SORBS2: variants seen among roughly 807,000 people sequenced by gnomAD.
SORBS2 encodes sorbin and SH3 domain containing 2.
SORBS2 carries 46 observed loss-of-function variants against 97.7 expected under a neutral mutation model. The ratio of observed to expected loss-of-function variants is 0.47; its 90% CI spans 0.37 to 0.60. The LOEUF is 0.60. SORBS2 is among the 20% of genes least tolerant of loss of function. The pLI is 0.00. For missense variants in SORBS2, 1,316 were observed against 1,282.3 expected (o/e 1.03, Z -0.40); for synonymous variants, 476 against 473.4 (o/e 1.01, Z -0.07).
At chr4:185,815,716 T>C (rs1297383489) in intron 1 of SORBS2, among the ~76,000 whole-genome samples, 1 of 152,194 alleles carries the variant, frequency 6.6e-6, no homozygotes, top group Non-Finnish European at 1.5e-5. Context: ...AGTTATACCG[T>C]ATGCACACCT....
At chr4:185,879,147 A>C in intron 1 of SORBS2, among the ~76,000 whole-genome samples, 1 of 130,004 alleles carries the variant, frequency 7.7e-6, no homozygotes, top group Non-Finnish European at 1.6e-5. Context: ...CATTAGGTAT[A>C]TCTCCTAATG....
intron 12 of SORBS2, among the ~76,000 whole-genome samples, chr4:185,599,549 G>A (rs970548730): frequency 2.0e-5 from 3 of 152,092 alleles, no homozygotes; most frequent in Non-Finnish European, 4.4e-5. Flanking sequence ...CAAGAATCAT[G>A]GATTTAAAAA....
chr4:185,752,126 G>A (rs1209799396), intron 2 of SORBS2, among the ~76,000 whole-genome samples: 1 of 152,110 alleles, frequency 6.6e-6, no homozygotes, highest in East Asian at 1.9e-4. Context: ...AGGGAAAACA[G>A]AAAAGTATCT....
intron 1 of SORBS2, among the ~76,000 whole-genome samples, chr4:185,888,059 A>ATATTATTATTATTATTAT (rs148021041): frequency 5.2e-4 from 77 of 148,910 alleles, no homozygotes; most frequent in African/African-American, 1.7e-3. Context: ...CTGACATTCT[A>ATATTATTATTATTATTAT]TATTATTATT....
chr4:185,660,547 C>T (rs1205470867), upstream of SORBS2, among the ~76,000 whole-genome samples: 5 of 152,152 alleles, frequency 3.3e-5, no homozygotes, highest in African/African-American at 1.2e-4. Context: ...TAATAAGTCC[C>T]GCGGCTACCT....
At position 185,606,527 on chromosome 4, in the gene SORBS2, A is replaced by G. The variant is rs566129521; in HGVS notation, c.2796+5253T>C. The G allele has an allele frequency of 9.2e-6, 9 of 981,426 alleles. No homozygotes were observed. In the African/African-American group the frequency reaches 1.2e-4, roughly 13 times the overall value. 60.8% of individuals were successfully genotyped at this position (981,426 alleles called of 1,614,324 possible). On this transcript the variant is annotated intron_variant, in intron 12 of 14. Transcript: ENST00000418609. The surrounding 1 kb of genome is among the most constrained non-coding windows in gnomAD (Gnocchi z 4.3). ...GGTATTTATTAATATGATTAACTCT[A>G]ATAGCTAATCATGGTAAGGCCGGTT...
intron 2 of SORBS2, among the ~76,000 whole-genome samples, chr4:185,699,604 G>T (rs2098230273): frequency 6.6e-6 from 1 of 152,068 alleles, no homozygotes; most frequent in African/African-American, 2.4e-5. Context: ...ATCTTAAATT[G>T]TACATCTTAA....
At chr4:185,810,074 G>A (rs1395718967) in intron 1 of SORBS2, among the ~76,000 whole-genome samples, 1 of 152,198 alleles carries the variant, frequency 6.6e-6, no homozygotes, top group Non-Finnish European at 1.5e-5. Context: ...AACTAAGTCT[G>A]TTCATTTAGC....
chr4:185,669,666 A>G (rs544911970), intron 4 of SORBS2, among the ~76,000 whole-genome samples: 3 of 152,314 alleles, frequency 2.0e-5, no homozygotes, highest in South Asian at 4.1e-4. Flanking sequence ...TTGAAAGAAA[A>G]TCAACATCAA....
intron 2 of SORBS2, among the ~76,000 whole-genome samples, chr4:185,728,355 C>T (rs897376368): frequency 6.6e-6 from 1 of 152,134 alleles, no homozygotes; most frequent in Non-Finnish European, 1.5e-5. Context: ...CCCCAAAAAC[C>T]CCTGTATTTC....
At chr4:185,659,231 G>C (rs890783031), upstream of SORBS2, among the ~76,000 whole-genome samples, 6 of 152,130 alleles carry the variant, frequency 3.9e-5, no homozygotes, top group African/African-American at 1.4e-4. Context: ...GCTGGATGGT[G>C]ACATAAAATG....
At chr4:185,805,583 C>T (rs2099149748) in intron 1 of SORBS2, among the ~76,000 whole-genome samples, 1 of 152,178 alleles carries the variant, frequency 6.6e-6, no homozygotes, top group African/African-American at 2.4e-5. Flanking sequence ...ATTCACCACT[C>T]TCCTGACCTC....
At chr4:185,944,704 G>A (rs1027898425) in intron 1 of SORBS2, among the ~76,000 whole-genome samples, 9 of 152,054 alleles carry the variant, frequency 5.9e-5, no homozygotes, top group South Asian at 2.1e-4. Flanking sequence ...TGAGACAAGC[G>A]CCTCAAGTGA....
intron 12 of SORBS2, among the ~76,000 whole-genome samples, chr4:185,608,869 A>C (rs750129632): frequency 3.9e-5 from 6 of 152,212 alleles, no homozygotes; most frequent in South Asian, 2.1e-4. Flanking sequence ...TTAGGATAAC[A>C]CTTTACACAG....
chr4:185,902,210 T>C (rs545961491), intron 1 of SORBS2, among the ~76,000 whole-genome samples: 1 of 152,336 alleles, frequency 6.6e-6, no homozygotes, highest in Admixed American at 6.5e-5. Context: ...AATATCACTT[T>C]GAAATATTAC....
rs1038534143 is a variant in SORBS2, at chr4:185,684,690, A to C, written c.-197-5868T>G. ...TTCCTTTGCTTTTTACGTTTAGAAC[A>C]AAAACAGTCAGAAGAGCTAGAAGCC... On this transcript the variant is annotated intron_variant, in intron 2 of 20. Transcript: ENST00000284776. The surrounding 1 kb of genome is among the most constrained non-coding windows in gnomAD (Gnocchi z 4.2). 2.6e-5 allele frequency: 30 copies of C among 1,171,952 alleles called. No individual in the cohort carries two copies. The highest frequency in any genetic ancestry group is 1.5e-4 in the South Asian group (11 of 72,094). The allele number at this position is 1,171,952 out of a possible 1,614,324, so 72.6% of individuals were successfully genotyped here.
At chr4:185,625,763 A>G (rs75142822) in intron 6 of SORBS2, among the ~76,000 whole-genome samples, 4,221 of 152,348 alleles carry the variant, frequency 0.028, 103 homozygotes, top group Non-Finnish European at 0.046. Context: ...TCACAGCTTT[A>G]CAAGGCCTTA....
intron 12 of SORBS2, among the ~76,000 whole-genome samples, chr4:185,600,518 T>C (rs2096237417): frequency 6.6e-6 from 1 of 152,106 alleles, no homozygotes; most frequent in South Asian, 2.1e-4. Flanking sequence ...TTTGTATTTT[T>C]AGTAGAGACA....
At chr4:185,645,227 G>C (rs1446877280) in intron 4 of SORBS2, among the ~76,000 whole-genome samples, 1 of 152,114 alleles carries the variant, frequency 6.6e-6, no homozygotes. Flanking sequence ...TTAAAATTTT[G>C]TTATTTAATT....
Sources: allele counts gnomAD v4.1 joint callset (sites outside exome capture counted in the v4.1 genomes callset), GRCh38; gene constraint gnomAD v4.1.1; non-coding constraint Gnocchi (gnomAD v3.1); transcripts MANE v1.5; gene names NCBI Gene and HGNC (gene_info 2026-07-23, HGNC 2026-07-21).